SNX29: variants seen among roughly 807,000 people sequenced by gnomAD.
SNX29 encodes the protein sorting nexin 29.
A neutral mutation model predicts 102.1 loss-of-function variants in SNX29; 78 were observed. The observed-to-expected ratio is 0.76, with a 90% CI of 0.64 to 0.92. SNX29 has a LOEUF of 0.92. Ranked by LOEUF, SNX29 falls within the 40% of genes least tolerant of loss-of-function variation. The pLI is 0.00. For missense variants in SNX29, 1,280 were observed against 1,061.7 expected, an observed-to-expected ratio of 1.21 and a Z score of -2.86; for synonymous variants, 580 against 414.5, an observed-to-expected ratio of 1.40 and a Z score of -4.85.
intron 18 of SNX29, among the ~76,000 whole-genome samples, chr16:12,443,922 T>C (rs923080170): frequency 6.6e-6 from 1 of 152,248 alleles, no homozygotes; most frequent in Admixed American, 6.5e-5. Flanking sequence ...GCATAGCACC[T>C]AGCATGTAAT....
rs971985676 is a variant in SNX29 at position 12,570,564 on chromosome 16, C to T, written c.*1935C>T. ...TTTGATGCCAGCTCAGAGACTGTCT[C>T]AGGAGTGCCTCCCTGGCCTGGGTAG... On this transcript the variant is annotated 3_prime_UTR_variant, in exon 21 of 21. Coordinates refer to ENST00000566228, the MANE Select transcript of SNX29 (RefSeq NM_032167.5). 3 of 232,276 alleles carry T rather than the reference C, an allele frequency of 1.3e-5. No homozygotes were observed. The highest frequency in any genetic ancestry group is 6.6e-5 in the African/African-American group (3 of 45,282). 14.4% of individuals were successfully genotyped at this position (232,276 alleles called of 1,614,324 possible).
chr16:12,463,740 C>A (rs985703432), intron 18 of SNX29, among the ~76,000 whole-genome samples: 32 of 151,858 alleles, frequency 2.1e-4, no homozygotes, highest in Admixed American at 8.5e-4. Flanking sequence ...AGGCATACAA[C>A]ATGATGGTTT....
chr16:12,555,854 CCAT>C (rs1355343382), intron 20 of SNX29, among the ~76,000 whole-genome samples: 10 of 152,204 alleles, frequency 6.6e-5, no homozygotes, highest in Admixed American at 1.3e-4. Context: ...CTCACCACCT[CCAT>C]CATTTTCTCC....
At chr16:12,496,633 C>G (rs2088841350) in intron 19 of SNX29, among the ~76,000 whole-genome samples, 1 of 151,818 alleles carries the variant, frequency 6.6e-6, no homozygotes, top group African/African-American at 2.4e-5. Flanking sequence ...GCGTCAGCCT[C>G]CAGAGTTGCT....
chr16:12,188,177 G>A (rs571871094), intron 13 of SNX29, among the ~76,000 whole-genome samples: 37 of 152,214 alleles, frequency 2.4e-4, no homozygotes, highest in Non-Finnish European at 4.1e-4. Flanking sequence ...ATTACTAACC[G>A]CTAACATTTA....
chr16:12,134,481 G>A (rs1251250264), intron 13 of SNX29, among the ~76,000 whole-genome samples: 1 of 152,190 alleles, frequency 6.6e-6, no homozygotes, highest in African/African-American at 2.4e-5. Flanking sequence ...TCCTGTGGCT[G>A]TTGGCAGGAG....
At chr16:12,000,080 C>T (rs2056232385) in intron 2 of SNX29, among the ~76,000 whole-genome samples, 1 of 152,112 alleles carries the variant, frequency 6.6e-6, no homozygotes, top group South Asian at 2.1e-4. Flanking sequence ...TCTGCTGCTG[C>T]CCCCAGCTGT....
chr16:12,433,863 C>T (rs1456012927), intron 18 of SNX29, among the ~76,000 whole-genome samples: 1 of 152,110 alleles, frequency 6.6e-6, no homozygotes, highest in Admixed American at 6.6e-5. Flanking sequence ...GATCAAAGGC[C>T]CTATTCAGCT....
In SNX29 at chr16:12,567,637, C is replaced by CTA. The variant is rs1453690412; in HGVS notation, c.2319-866_2319-865dup. ...TACACTCAGGTATGGTGGCTAGTACCTATAGTCCCAGCTGCTCAGGAGGCT... is the reference window on the plus strand; with the variant it reads ...TACACTCAGGTATGGTGGCTAGTACCTATATAGTCCCAGCTGCTCAGGAGGCT... On this transcript the variant is annotated intron_variant, in intron 20 of 20. Transcript: ENST00000566228. Among the ~76,000 whole-genome samples the CTA allele has an allele frequency of 3.3e-5, 5 of 152,286 alleles. No homozygotes were observed. In the East Asian group the frequency reaches 9.7e-4, roughly 29 times the overall value.
intron 18 of SNX29, among the ~76,000 whole-genome samples, chr16:12,457,697 G>A (rs1418043413): frequency 1.3e-5 from 2 of 152,184 alleles, no homozygotes; most frequent in East Asian, 3.8e-4. Context: ...AGCCTCTGCC[G>A]TGGTGCTTTG....
chr16:12,295,993 C>T (rs1197252508), intron 15 of SNX29, among the ~76,000 whole-genome samples: 1 of 152,180 alleles, frequency 6.6e-6, no homozygotes, highest in African/African-American at 2.4e-5. Context: ...TGGTAACAAC[C>T]CAGTTCCTAC....
At chr16:12,129,076 T>C (rs2054343550) in intron 12 of SNX29, among the ~76,000 whole-genome samples, 1 of 152,222 alleles carries the variant, frequency 6.6e-6, no homozygotes, top group African/African-American at 2.4e-5. Flanking sequence ...ATAAGATATT[T>C]TTTATATATG....
At chr16:12,187,370 C>T (rs145463311) in intron 13 of SNX29, among the ~76,000 whole-genome samples, 53 of 152,204 alleles carry the variant, frequency 3.5e-4, no homozygotes, top group African/African-American at 1.1e-3. Context: ...GTCTGGCCAG[C>T]GGGGCAAAAC....
At chr16:12,063,420 G>A (rs1371992101) in intron 9 of SNX29, among the ~76,000 whole-genome samples, 2 of 118,816 alleles carry the variant, frequency 1.7e-5, no homozygotes, top group African/African-American at 5.9e-5. Flanking sequence ...TGTCACCCAG[G>A]CTGGAGTGCA....
chr16:12,549,557 C>T (rs1210324622), intron 20 of SNX29, among the ~76,000 whole-genome samples: 1 of 152,198 alleles, frequency 6.6e-6, no homozygotes, highest in Non-Finnish European at 1.5e-5. Flanking sequence ...ATGGAGTGGG[C>T]TTCCACCCTG....
chr16:12,544,379 A>G (rs1205851410), intron 20 of SNX29, among the ~76,000 whole-genome samples: 1 of 152,180 alleles, frequency 6.6e-6, no homozygotes, highest in Non-Finnish European at 1.5e-5. Flanking sequence ...GGGGAGTGGA[A>G]GGCGTTGTGA....
Position 12,571,699 on chromosome 16 carries a change from A to G in SNX29, c.*3070A>G, listed in dbSNP as rs2079191333. The G allele has an allele frequency of 4.7e-6, 5 of 1,060,254 alleles. No homozygotes were observed. Among genetic ancestry groups the G allele is most frequent in the South Asian group, 4.6e-5 (1 of 21,924 alleles). The allele number at this position is 1,060,254 out of a possible 1,614,324, so 65.7% of individuals were successfully genotyped here. A position where few individuals can be genotyped will look rare whatever the true frequency, so the allele number is the denominator to read the frequency against. ...AGGTGTCTCTCCTTGAGAGACAACA[A>G]AAGCTTCTAAGGGAGGGAGCTTAAA... On this transcript the variant is annotated 3_prime_UTR_variant, in exon 21 of 21. Transcript: ENST00000566228.
At chr16:11,995,557 C>T (rs577563390) in intron 1 of SNX29, among the ~76,000 whole-genome samples, 1 of 151,650 alleles carries the variant, frequency 6.6e-6, no homozygotes, top group Non-Finnish European at 1.5e-5. Context: ...TCTTCCCCCC[C>T]CACCCCATCA....
chr16:12,312,966 A>G (rs929050450), intron 15 of SNX29, among the ~76,000 whole-genome samples: 1 of 151,268 alleles, frequency 6.6e-6, no homozygotes, highest in Non-Finnish European at 1.5e-5. Flanking sequence ...CTGGCTTTTC[A>G]GGTCTAGCAT....
Sources: gnomAD v4.1 joint callset for allele counts (sites outside exome capture counted in the v4.1 genomes callset) on GRCh38, gnomAD v4.1.1 for gene constraint, MANE v1.5 for transcripts, NCBI Gene and HGNC (gene_info 2026-07-23, HGNC 2026-07-21) for gene names.